UACA: variants seen among roughly 807,000 people sequenced by gnomAD.
UACA encodes nuclear membrane binding protein.
UACA carries 112 observed loss-of-function variants against 160.5 expected under a neutral mutation model. The ratio of observed to expected loss-of-function variants is 0.70; its 90% CI spans 0.60 to 0.82. UACA has a LOEUF of 0.82. Ranked by LOEUF, UACA falls within the 40% of genes least tolerant of loss-of-function variation. UACA has a pLI of 0.00. For missense variants in UACA, 1,574 were observed against 1,614.6 expected (o/e 0.97, Z 0.43); for synonymous variants, 557 against 568.4 (o/e 0.98, Z 0.29).
At chr15:70,718,323 A>AGTGTGTGTGTGTGTGTGT (rs1491099807) in intron 1 of UACA, among the ~76,000 whole-genome samples, 2 of 15,608 alleles carry the variant, frequency 1.3e-4, no homozygotes, top group African/African-American at 3.3e-4. Flanking sequence ...AGAGAGAGAG[A>AGTGTGTGTGTGTGTGTGT]ATGTGTGTGT....
chr15:70,755,229 G>C (rs991850709), intron 1 of UACA, among the ~76,000 whole-genome samples: 1 of 152,106 alleles, frequency 6.6e-6, no homozygotes, highest in Non-Finnish European at 1.5e-5. Context: ...GCTAATTCTA[G>C]AGAGGAAGGG....
intron 4 of UACA, 67 bp from the exon 5 acceptor site, chr15:70,690,578 G>T: frequency 8.4e-7 from 1 of 1,196,520 alleles, no homozygotes; most frequent in Non-Finnish European, 1.2e-6. Context: ...TCCAGACTCA[G>T]ATGAACAGCT....
intron 17 of UACA, among the ~76,000 whole-genome samples, chr15:70,663,601 A>G (rs1031417729): frequency 2.6e-5 from 4 of 152,150 alleles, no homozygotes; most frequent in Non-Finnish European, 5.9e-5. Flanking sequence ...TCACAATAGC[A>G]AGGACTTGGA....
At chr15:70,685,361 T>A (rs1213187970) in intron 7 of UACA, among the ~76,000 whole-genome samples, 2 of 152,176 alleles carry the variant, frequency 1.3e-5, no homozygotes, top group African/African-American at 2.4e-5. Context: ...ATATCCTATA[T>A]CTAACTCTGT....
intron 1 of UACA, among the ~76,000 whole-genome samples, chr15:70,736,559 C>T (rs553290456): frequency 2.0e-5 from 3 of 152,102 alleles, no homozygotes; most frequent in Admixed American, 6.5e-5. Flanking sequence ...CTCAGCCTCC[C>T]GAATAGCAGG....
chr15:70,752,949 C>G (rs888026031), intron 1 of UACA, among the ~76,000 whole-genome samples: 1 of 152,104 alleles, frequency 6.6e-6, no homozygotes, highest in East Asian at 1.9e-4. Flanking sequence ...GGCTTTTATA[C>G]GACAAGTTAC....
At chr15:70,749,801 GTA>G (rs1460967177) in intron 1 of UACA, among the ~76,000 whole-genome samples, 1 of 151,816 alleles carries the variant, frequency 6.6e-6, no homozygotes, top group East Asian at 1.9e-4. Context: ...ACTTTCAAGG[GTA>G]TTTATCAAAC....
intron 1 of UACA, among the ~76,000 whole-genome samples, chr15:70,703,538 G>A (rs1220349131): frequency 1.3e-5 from 2 of 152,106 alleles, no homozygotes; most frequent in Non-Finnish European, 2.9e-5. Context: ...CAGAGACTCC[G>A]CCCAGTCTGT....
chr15:70,735,230 C>T (rs1210407968), intron 1 of UACA, among the ~76,000 whole-genome samples: 2 of 142,402 alleles, frequency 1.4e-5, no homozygotes, highest in African/African-American at 2.5e-5. Context: ...GGCTGAAAAA[C>T]TGCATACTGC....
At chr15:70,699,379 T>C (rs1297222199) in intron 2 of UACA, 148 bp downstream of exon 2, 1 of 832,570 alleles carries the variant, frequency 1.2e-6, no homozygotes, top group Non-Finnish European at 1.9e-6. Context: ...TTGAGAACAA[T>C]TATTAGTTTG....
chr15:70,703,096 G>T, intron 1 of UACA: 1 of 1,288,382 alleles, frequency 7.8e-7, no homozygotes, highest in Non-Finnish European at 1.0e-6. Flanking sequence ...TAACTTCTCT[G>T]CATTCTCTAC....
intron 2 of UACA, among the ~76,000 whole-genome samples, chr15:70,695,570 T>A (rs909675203): frequency 1.3e-5 from 2 of 152,210 alleles, no homozygotes; most frequent in Non-Finnish European, 1.5e-5. Flanking sequence ...AAACTAAACC[T>A]GCTTAGAAAA....
chr15:70,669,330 A>C lies in UACA; in HGVS notation c.1354T>G (p.Phe452Val). 6.2e-7 allele frequency: 1 copy of C among 1,614,100 alleles called. No homozygotes were observed. ...CGGTCTTGTTTTGCTGACTCACAGA[A>C]AGTTCGCATTGCTTCTAACTCTTTC... ...LKKELEAMRTFCESAKQDRLK... is the reference protein window; with the variant it reads ...LKKELEAMRTVCESAKQDRLK... The change falls in exon 16 of 19, where the codon TTC becomes GTC. Residue 452 changes from phenylalanine (F) to valine (V), a missense_variant. Physicochemically the swap from Phe to Val is conservative, Grantham distance 50. Transcript: ENST00000322954.
chr15:70,723,375 C>T (rs1430730432), intron 1 of UACA, among the ~76,000 whole-genome samples: 1 of 152,178 alleles, frequency 6.6e-6, no homozygotes, highest in African/African-American at 2.4e-5. Context: ...GTCCCAGCTA[C>T]TCAGGGATAC....
At chr15:70,675,700 GCACA>G (rs1214850394) in intron 13 of UACA, among the ~76,000 whole-genome samples, 2 of 152,160 alleles carry the variant, frequency 1.3e-5, no homozygotes, top group East Asian at 1.9e-4. Flanking sequence ...TTTTCATAAT[GCACA>G]CATAGTTTTT....
chr15:70,751,771 C>T (rs1001257787), intron 1 of UACA, among the ~76,000 whole-genome samples: 1 of 151,998 alleles, frequency 6.6e-6, no homozygotes, highest in African/African-American at 2.4e-5. Flanking sequence ...ATTCTCTGGC[C>T]CACAATTGTC....
rs1896498297 is a variant in UACA, at chr15:70,657,092, G to A, written c.4215C>T (p.Leu1405=). The A allele has an allele frequency of 6.2e-7, 1 of 1,614,148 alleles. No homozygotes were observed. The highest frequency in any genetic ancestry group is 8.5e-7 in the Non-Finnish European group (1 of 1,180,022). ...HMDEDVQEAL[L]QIIQMRQGLV... ...GCCCCTGCCGCATTTGTATGATCTG[G>A]AGCAGAGCCTCCTGAACATCTTCAT... The change falls in exon 19 of 19, where the codon CTC becomes CTT. Residue 1405 remains leucine, a synonymous_variant. Transcript: ENST00000322954.
At chr15:70,661,962 G>A (rs1232106366) in intron 17 of UACA, among the ~76,000 whole-genome samples, 2 of 152,194 alleles carry the variant, frequency 1.3e-5, no homozygotes, top group Non-Finnish European at 2.9e-5. Flanking sequence ...AGACAGGGAT[G>A]CCCTCTCTCG....
the UACA span, among the ~76,000 whole-genome samples, chr15:70,773,467 G>A: frequency 6.6e-6 from 1 of 152,160 alleles, no homozygotes; most frequent in Non-Finnish European, 1.5e-5. Flanking sequence ...TGTAGGCTGG[G>A]AGGAGAATGA....
Sources: allele counts gnomAD v4.1 joint callset (sites outside exome capture counted in the v4.1 genomes callset), GRCh38; gene constraint gnomAD v4.1.1; transcripts MANE v1.5; gene names NCBI Gene and HGNC (gene_info 2026-07-23, HGNC 2026-07-21).